BSN: variants seen among roughly 807,000 people sequenced by gnomAD.
The protein encoded by BSN is bassoon presynaptic cytomatrix protein.
BSN carries 57 observed loss-of-function variants against 264.8 expected under a neutral mutation model. The observed-to-expected ratio is 0.22, with a 90% confidence interval of 0.17 to 0.27. BSN has a LOEUF of 0.27. Ranked by LOEUF, BSN falls within the 10% of genes least tolerant of loss-of-function variation. BSN has a pLI of 1.00. For synonymous variants in BSN, 2,059 were observed against 2,137.3 expected (o/e 0.96, Z 1.01); for missense variants, 4,615 against 5,232.5 (o/e 0.88, Z 3.64).
chr3:49,562,846 G>A (rs2051724728), intron 1 of BSN, among the ~76,000 whole-genome samples: 1 of 152,202 alleles, frequency 6.6e-6, no homozygotes, highest in African/African-American at 2.4e-5. Flanking sequence ...GTGGAAGCAT[G>A]CTGGCTGGGG....
intron 1 of BSN, among the ~76,000 whole-genome samples, chr3:49,570,752 A>C (rs2051789538): frequency 6.6e-6 from 1 of 152,194 alleles, no homozygotes; most frequent in Non-Finnish European, 1.5e-5. Context: ...CTTGGGGGCA[A>C]CACCTTCCCT....
At chr3:49,563,106 T>C (rs1414912661) in intron 1 of BSN, among the ~76,000 whole-genome samples, 1 of 152,248 alleles carries the variant, frequency 6.6e-6, no homozygotes, top group Non-Finnish European at 1.5e-5. Flanking sequence ...CTTTTTAGTT[T>C]ACTTTGTAGC....
chr3:49,617,209 T>A (rs1332094611), intron 1 of BSN, among the ~76,000 whole-genome samples: 2 of 151,716 alleles, frequency 1.3e-5, no homozygotes, highest in South Asian at 2.1e-4. Context: ...ATGGCACATG[T>A]ATACCTATGT....
In BSN at chr3:49,653,930, C is replaced by T. The variant is rs117032536; in HGVS notation, c.4374C>T (p.Asp1458=). Residue 1458 remains aspartate (D), a synonymous_variant, in exon 5 of 12, where the codon GAC becomes GAT. Transcript: ENST00000296452. The surrounding 1 kb of genome is among the most constrained non-coding windows in gnomAD (Gnocchi z 6.3). The part of the protein sequence containing the change: ...AAREKPLSAS[D]GEGGTPQPSR... ...GAGAGAAGCCCTTGAGTGCGAGTGA[C>T]GGTGAGGGTGGCACTCCTCAGCCTT... 5.0e-4 allele frequency: 812 copies of T among 1,614,142 alleles called. 6 individuals carry two copies. The East Asian group carries it at 0.014, about 28-fold the overall frequency.
chr3:49,658,261 A>G, intron 5 of BSN, 65 bp downstream of exon 5: 1 of 1,469,532 alleles, frequency 6.8e-7, no homozygotes, highest in South Asian at 1.4e-5. Flanking sequence ...GGGCCCCCAC[A>G]GGGAGGGGCT....
chr3:49,653,312 G>A lies in BSN; in HGVS notation c.3756G>A (p.Leu1252=). Residue 1252 remains leucine (L), a synonymous_variant, in exon 5 of 12, where the codon CTG becomes CTA. Coordinates refer to ENST00000296452, the MANE Select transcript of BSN (RefSeq NM_003458.4). The surrounding 1 kb of genome is among the most constrained non-coding windows in gnomAD (Gnocchi z 6.3). ...CCGCAGAGGGCACGCCAGCCAGCCTGGGAGCAGCCGTGTACGAAGAAATCC... is the reference window on the plus strand; with the variant it reads ...CCGCAGAGGGCACGCCAGCCAGCCTAGGAGCAGCCGTGTACGAAGAAATCC... ...QPAAEGTPAS[L]GAAVYEEILQ... is the part of the protein sequence containing the mutation. 6.2e-7 allele frequency: 1 copy of A among 1,612,266 alleles called. No homozygotes were observed. Among genetic ancestry groups the A allele is most frequent in the Non-Finnish European group, 8.5e-7 (1 of 1,179,602 alleles).
At chr3:49,607,591 G>A (rs1274883246) in intron 1 of BSN, among the ~76,000 whole-genome samples, 2 of 152,230 alleles carry the variant, frequency 1.3e-5, no homozygotes, top group African/African-American at 2.4e-5. Context: ...ACACATGCAC[G>A]TGTGCACACA....
Position 49,652,053 on chromosome 3 carries a change from C to T in BSN, c.2497C>T (p.Arg833Trp), listed in dbSNP as rs762515353. 1.9e-6 allele frequency: 3 copies of T among 1,609,336 alleles called. No homozygotes were observed. Among genetic ancestry groups the T allele is most frequent in the African/African-American group, 1.3e-5 (1 of 74,976 alleles). The change falls in exon 5 of 12, where the codon CGG becomes TGG. Residue 833 changes from arginine (R) to tryptophan (W), a missense_variant. Physicochemically the swap from Arg to Trp is moderately radical, Grantham distance 101 (BLOSUM62 -3). Coordinates refer to ENST00000296452, the MANE Select transcript of BSN (RefSeq NM_003458.4). ...LSPLPPQPPA[R>W]AAELTDEDFM... ...CCCTCTTCCACCCCAGCCCCCAGCC[C>T]GGGCAGCAGAACTGACTGATGAGGA...
In BSN at chr3:49,654,046, G is replaced by A. The variant is rs376141337; in HGVS notation, c.4490G>A (p.Gly1497Asp). ...ESPTFSPGKM[G>D]PRATAEFSTQ... ...CCCACATTCTCCCCTGGCAAGATGG[G>A]CCCAAGGGCCACAGCAGAGTTCTCT... The change falls in exon 5 of 12, where the codon GGC becomes GAC. Residue 1497 changes from glycine to aspartate, a missense_variant. Coordinates refer to ENST00000296452, the MANE Select transcript of BSN (RefSeq NM_003458.4). The surrounding 1 kb of genome is among the most constrained non-coding windows in gnomAD (Gnocchi z 4.1). 3 of 1,613,646 alleles carry A rather than the reference G, an allele frequency of 1.9e-6. No homozygotes were observed. Among genetic ancestry groups the A allele is most frequent in the African/African-American group, 2.7e-5 (2 of 74,880 alleles).
intron 1 of BSN, among the ~76,000 whole-genome samples, chr3:49,598,907 T>C (rs999808804): frequency 6.6e-6 from 1 of 152,210 alleles, no homozygotes; most frequent in Non-Finnish European, 1.5e-5. Flanking sequence ...TCTTTCTTTT[T>C]TTAATATTTA....
chr3:49,629,254 T>C (rs1460106611), intron 2 of BSN, among the ~76,000 whole-genome samples: 1 of 152,272 alleles, frequency 6.6e-6, no homozygotes, highest in African/African-American at 2.4e-5. Context: ...TGCCCATGCC[T>C]GCTCAGGCCT....
At chr3:49,587,902 C>CTTTTCTTTTT (rs2051948294) in intron 1 of BSN, among the ~76,000 whole-genome samples, 1 of 142,600 alleles carries the variant, frequency 7.0e-6, no homozygotes, top group Non-Finnish European at 1.5e-5. Context: ...CTTTTCTTTT[C>CTTTTCTTTTT]TTTTCTTTTC....
At chr3:49,574,578 C>T (rs1363741248) in intron 1 of BSN, among the ~76,000 whole-genome samples, 4 of 148,834 alleles carry the variant, frequency 2.7e-5, no homozygotes, top group African/African-American at 9.9e-5. Context: ...GGATTACAGG[C>T]GCCTGCCACC....
intron 3 of BSN, among the ~76,000 whole-genome samples, chr3:49,647,355 C>A (rs541086547): frequency 1.3e-5 from 2 of 152,366 alleles, no homozygotes; most frequent in Non-Finnish European, 2.9e-5. Flanking sequence ...GGCATACACA[C>A]CTGCCTCTCC....
At chr3:49,673,006 C>G (rs1302381951), downstream of BSN, among the ~76,000 whole-genome samples, 1 of 145,220 alleles carries the variant, frequency 6.9e-6, no homozygotes, top group Admixed American at 6.9e-5. Context: ...GTCTCGATCT[C>G]CTGACCTCGT....
At chr3:49,648,567 G>A (rs1454753777) in intron 3 of BSN, among the ~76,000 whole-genome samples, 1 of 152,210 alleles carries the variant, frequency 6.6e-6, no homozygotes, top group Non-Finnish European at 1.5e-5. Flanking sequence ...TGATGCTGGG[G>A]GCATGTGAGC....
At chr3:49,628,971 C>T in intron 2 of BSN, among the ~76,000 whole-genome samples, 1 of 152,150 alleles carries the variant, frequency 6.6e-6, no homozygotes, top group East Asian at 1.9e-4. Flanking sequence ...GTAATTTAAC[C>T]TGTCCGAAAC....
At chr3:49,643,644 C>T (rs1460200463) in intron 3 of BSN, among the ~76,000 whole-genome samples, 1 of 152,210 alleles carries the variant, frequency 6.6e-6, no homozygotes, top group African/African-American at 2.4e-5. Context: ...CAGGCTCCAG[C>T]CCAGCAAGGT....
chr3:49,625,168 C>A lies in BSN; in HGVS notation c.418C>A (p.Arg140=). 2 of 1,572,936 alleles carry A rather than the reference C, an allele frequency of 1.3e-6. No homozygotes were observed. The highest frequency in any genetic ancestry group is 1.2e-5 in the South Asian group (1 of 86,576). ...QVDSRTQRSG[R]SPSVSPDRGS... Reference sequence around the variant, plus strand: ...AGACAGCAGGACACAGAGATCAGGGCGGTCCCCCTCAGTGTCACCGGACAG... The same window carrying A: ...AGACAGCAGGACACAGAGATCAGGGAGGTCCCCCTCAGTGTCACCGGACAG... Residue 140 remains arginine, a synonymous_variant, in exon 2 of 12, where the codon CGG becomes AGG. Transcript: ENST00000296452. The surrounding 1 kb of genome is among the most constrained non-coding windows in gnomAD (Gnocchi z 4.4).
Sources: allele counts gnomAD v4.1 joint callset (sites outside exome capture counted in the v4.1 genomes callset), GRCh38; gene constraint gnomAD v4.1.1; non-coding constraint Gnocchi (gnomAD v3.1); transcripts MANE v1.5; gene names NCBI Gene and HGNC (gene_info 2026-07-23, HGNC 2026-07-21).